KCNMB2: variants seen among roughly 807,000 people sequenced by gnomAD.
The protein encoded by KCNMB2 is potassium calcium-activated channel subfamily M regulatory beta subunit 2, also known as calcium-activated potassium channel subunit beta-2.
KCNMB2 carries 9 observed loss-of-function variants against 24.5 expected under a neutral mutation model. That is an observed-to-expected ratio of 0.37 (90% CI 0.22 to 0.64). The LOEUF is 0.64. Ranked by LOEUF, KCNMB2 falls within the 30% of genes least tolerant of loss-of-function variation. KCNMB2 has a pLI of 0.63. For synonymous variants in KCNMB2, 109 were observed against 104.4 expected (o/e 1.04, Z -0.27); for missense variants, 226 against 284.3 (o/e 0.79, Z 1.47).
chr3:178,775,007 C>A (rs1257614731), intron 1 of KCNMB2, among the ~76,000 whole-genome samples: 1 of 152,180 alleles, frequency 6.6e-6, no homozygotes, highest in Non-Finnish European at 1.5e-5. Flanking sequence ...TACACAAATG[C>A]AGGTATAGAT....
intron 1 of KCNMB2, among the ~76,000 whole-genome samples, chr3:178,549,309 CTT>C (rs34705538): frequency 6.6e-5 from 9 of 136,866 alleles, no homozygotes; most frequent in South Asian, 2.3e-4. Context: ...CTTTTATTTT[CTT>C]TTTTTTTTTT....
At chr3:178,694,252 AC>A (rs1721795102) in intron 1 of KCNMB2, among the ~76,000 whole-genome samples, 1 of 152,120 alleles carries the variant, frequency 6.6e-6, no homozygotes, top group South Asian at 2.1e-4. Flanking sequence ...GGGAAACCGC[AC>A]CCCTGATTCA....
chr3:178,803,189 A>C (rs1713838327), intron 1 of KCNMB2, among the ~76,000 whole-genome samples: 1 of 152,236 alleles, frequency 6.6e-6, no homozygotes, highest in Non-Finnish European at 1.5e-5. Flanking sequence ...AAAGTCACAG[A>C]GTTGGCATAT....
chr3:178,590,401 A>G (rs1717623279), intron 1 of KCNMB2, among the ~76,000 whole-genome samples: 1 of 152,118 alleles, frequency 6.6e-6, no homozygotes, highest in South Asian at 2.1e-4. Flanking sequence ...GCCTTTCAAC[A>G]TTTTCAAATT....
intron 1 of KCNMB2, among the ~76,000 whole-genome samples, chr3:178,660,244 A>G (rs1470328888): frequency 6.6e-6 from 1 of 152,210 alleles, no homozygotes; most frequent in African/African-American, 2.4e-5. Context: ...GATATTAAAT[A>G]AGAAAACGTA....
intron 1 of KCNMB2, among the ~76,000 whole-genome samples, chr3:178,563,083 T>C (rs1716382431): frequency 6.6e-6 from 1 of 152,240 alleles, no homozygotes; most frequent in Non-Finnish European, 1.5e-5. Context: ...CTGTGCAGCA[T>C]GTGGAACAAC....
intron 1 of KCNMB2, among the ~76,000 whole-genome samples, chr3:178,665,287 T>A (rs1296598474): frequency 2.0e-5 from 3 of 152,194 alleles, no homozygotes; most frequent in African/African-American, 7.2e-5. Context: ...GAGGTTCATG[T>A]GCTATCTGTA....
chr3:178,715,188 T>C (rs954350928), intron 1 of KCNMB2, among the ~76,000 whole-genome samples: 5 of 152,152 alleles, frequency 3.3e-5, no homozygotes, highest in Admixed American at 3.3e-4. Flanking sequence ...GATTATTGCC[T>C]CATGCTTTTC....
At chr3:178,825,405 C>A (rs534647466) in intron 2 of KCNMB2, among the ~76,000 whole-genome samples, 183 bp from the exon 3 acceptor site, 2 of 152,144 alleles carry the variant, frequency 1.3e-5, no homozygotes, top group African/African-American at 4.8e-5. Context: ...CGTGCATGTG[C>A]TTGTGAGTGT....
chr3:178,584,787 T>G (rs188523770), intron 1 of KCNMB2, among the ~76,000 whole-genome samples: 2 of 152,274 alleles, frequency 1.3e-5, no homozygotes, highest in East Asian at 1.9e-4. Flanking sequence ...TCTACTATAT[T>G]AATATTATGT....
chr3:178,827,781 AAG>A (rs1714890289), intron 3 of KCNMB2, among the ~76,000 whole-genome samples: 1 of 152,186 alleles, frequency 6.6e-6, no homozygotes, highest in Admixed American at 6.5e-5. Context: ...GGGATGCAGA[AAG>A]TACAAAGTAA....
In KCNMB2 at chr3:178,575,521, C is replaced by T. The variant is rs188958264; in HGVS notation, c.-68+38810C>T. Among the ~76,000 whole-genome samples, 515 of 152,232 alleles carry T rather than the reference C, an allele frequency of 3.4e-3. 1 individual carries two copies. Among genetic ancestry groups the T allele is most frequent in the Middle Eastern group, 6.8e-3 (2 of 294 alleles). ...ACCATCTAGTGATAGTCAGAACTGA[C>T]GGTAATTTTGCTGTGATTTCTACTC... On this transcript the variant is annotated intron_variant, in intron 1 of 4. Coordinates refer to ENST00000452583, the MANE Select transcript of KCNMB2 (RefSeq NM_181361.3).
At chr3:178,573,728 C>A (rs1577020509) in intron 1 of KCNMB2, among the ~76,000 whole-genome samples, 1 of 108,370 alleles carries the variant, frequency 9.2e-6, no homozygotes, top group African/African-American at 3.8e-5. Context: ...GCCTGGGTAA[C>A]AGAGTGAGAC....
intron 1 of KCNMB2, among the ~76,000 whole-genome samples, chr3:178,543,568 C>T (rs931697037): frequency 6.6e-6 from 1 of 152,224 alleles, no homozygotes; most frequent in Admixed American, 6.5e-5. Context: ...AATGTCACTA[C>T]CTCCAATTAA....
intron 4 of KCNMB2, among the ~76,000 whole-genome samples, chr3:178,835,615 C>A (rs1715198344): frequency 1.3e-5 from 2 of 152,222 alleles, no homozygotes; most frequent in African/African-American, 2.4e-5. Context: ...AATATGTGCA[C>A]AATATTCATT....
At chr3:178,652,989 A>G (rs1720188229) in intron 1 of KCNMB2, among the ~76,000 whole-genome samples, 1 of 152,156 alleles carries the variant, frequency 6.6e-6, no homozygotes, top group East Asian at 1.9e-4. Flanking sequence ...AAGTCAACTT[A>G]TTAAGATTAC....
At chr3:178,727,133 C>G (rs535173818) in intron 1 of KCNMB2, among the ~76,000 whole-genome samples, 1 of 152,180 alleles carries the variant, frequency 6.6e-6, no homozygotes, top group South Asian at 2.1e-4. Flanking sequence ...TAGCCATATA[C>G]CCTTTTGAAA....
At chr3:178,749,302 G>A (rs1045346023) in intron 1 of KCNMB2, 1 of 152,182 alleles carries the variant, frequency 6.6e-6, no homozygotes, top group African/African-American at 2.4e-5. Flanking sequence ...GAGACGTTTT[G>A]TAAAACAAAT....
chr3:178,774,717 C>A (rs891629902), intron 1 of KCNMB2, among the ~76,000 whole-genome samples: 4 of 152,176 alleles, frequency 2.6e-5, no homozygotes, highest in African/African-American at 9.7e-5. Flanking sequence ...CTTCCTTGTT[C>A]CCCATTTAAA....
Sources: gnomAD v4.1 joint callset for allele counts (sites outside exome capture counted in the v4.1 genomes callset) on GRCh38, gnomAD v4.1.1 for gene constraint, MANE v1.5 for transcripts, NCBI Gene and HGNC (gene_info 2026-07-23, HGNC 2026-07-21) for gene names.